Variants in STK36 observed in about 807,000 individuals in gnomAD.
STK36 encodes serine/threonine-protein kinase 36.
STK36 carries 116 observed loss-of-function variants against 142.2 expected under a neutral mutation model. The observed-to-expected ratio is 0.82, with a 90% CI of 0.70 to 0.95. The LOEUF (loss-of-function observed/expected upper bound fraction) is 0.95, where lower values mean the gene tolerates loss of function less well. Among genes scored for constraint, STK36 ranks in the 40% least tolerant of loss-of-function variants. STK36 has a pLI of 0.00. For missense variants in STK36, 1,422 were observed against 1,617.2 expected (o/e 0.88, Z 2.07); for synonymous variants, 619 against 641.7 (o/e 0.96, Z 0.53).
rs775022035 is a variant in STK36, at chr2:218,698,766, G to A, written c.3222G>A (p.Gln1074=). The stretch of plus-strand genomic sequence containing the variant: ...TCTCAGTTGCCCTCCTGAGTGACCA[G>A]CCACTGTTGACCTCCGACCTTCTCT... ...SFLSVALLSD[Q]PLLTSDLLSL... is the part of the protein sequence containing the mutation. The change falls in exon 26 of 27, where the codon CAG becomes CAA. Residue 1074 remains glutamine, a synonymous_variant. Transcript: ENST00000295709. The A allele has an allele frequency of 6.2e-7, 1 of 1,614,152 alleles. No homozygotes were observed. Among genetic ancestry groups the A allele is most frequent in the Non-Finnish European group, 8.5e-7 (1 of 1,180,030 alleles).
intron 24 of STK36, 101 bp downstream of exon 24, chr2:218,697,711 A>G: frequency 6.3e-7 from 1 of 1,589,732 alleles, no homozygotes; most frequent in South Asian, 1.1e-5. Flanking sequence ...AAAGCAAGAA[A>G]GATGAGATCA....
Position 218,679,984 on chromosome 2 carries a change from C to G in STK36, c.1040C>G (p.Thr347Ser). The G allele has an allele frequency of 6.2e-7, 1 of 1,614,186 alleles. No individual in the cohort carries two copies. Among genetic ancestry groups the G allele is most frequent in the Non-Finnish European group, 8.5e-7 (1 of 1,180,022 alleles). ...GTAPLPRLGA[T>S]PQESSLLAGI... The stretch of plus-strand genomic sequence containing the variant: ...GCCCCTCTGCCCAGACTCGGGGCCA[C>G]TCCTCAGGAATCAAGCCTCCTGGCC... Residue 347 changes from threonine to serine, a missense_variant, in exon 9 of 27, where the codon ACT becomes AGT. Thr to Ser is a moderately conservative substitution (Grantham distance 58). Around this residue, in one of 2 missense-constraint regions of STK36, gnomAD observed 460 missense variants for 449.6 expected, o/e 1.02. Coordinates refer to ENST00000295709, the MANE Select transcript of STK36 (RefSeq NM_015690.5).
At chr2:218,692,419 C>T in intron 15 of STK36, 126 bp downstream of exon 15, 1 of 1,489,926 alleles carries the variant, frequency 6.7e-7, no homozygotes, top group Non-Finnish European at 9.0e-7. Flanking sequence ...TAACTGTGAA[C>T]TGAGAGAATG....
chr2:218,694,413 T>C lies in STK36; in HGVS notation c.2400+86T>C. ...TGGGGGAGTCACTATCCAATTTGCATCTGTTTCTGGAGGCATTCTTTTGGA... is the reference window on the plus strand; with the variant it reads ...TGGGGGAGTCACTATCCAATTTGCACCTGTTTCTGGAGGCATTCTTTTGGA... On this transcript the variant is annotated intron_variant, in intron 20 of 26. Coordinates refer to ENST00000295709, the MANE Select transcript of STK36 (RefSeq NM_015690.5). This position sits in a 1 kb window ranked among gnomAD's most constrained non-coding sequence, Gnocchi z 4.4. The C allele has an allele frequency of 6.6e-7, 1 of 1,517,304 alleles. No homozygotes were observed. Among genetic ancestry groups the C allele is most frequent in the South Asian group, 1.1e-5 (1 of 88,998 alleles). 94.0% of individuals were successfully genotyped at this position (1,517,304 alleles called of 1,614,324 possible).
Position 218,697,209 on chromosome 2 carries a change from C to G in STK36, c.2757C>G (p.Pro919=), listed in dbSNP as rs542960744. The change falls in exon 23 of 27, where the codon CCC becomes CCG. Residue 919 remains proline, a synonymous_variant. Coordinates refer to ENST00000295709, the MANE Select transcript of STK36 (RefSeq NM_015690.5). ...AGCCAGACTGGACACTGATTTCTCC[C>G]CAGGGTATCTTTCTATCAGTATCCT... ...SPEPDWTLIS[P]QGMAALLSLA... 22 of 1,611,494 alleles carry G rather than the reference C, an allele frequency of 1.4e-5. No homozygotes were observed. The Admixed American group carries it at 1.7e-4, about 12-fold the overall frequency.
intron 11 of STK36, among the ~76,000 whole-genome samples, chr2:218,686,632 A>G (rs575541493): frequency 1.2e-4 from 18 of 152,340 alleles, no homozygotes; most frequent in Non-Finnish European, 2.4e-4. Context: ...ATATGGATAT[A>G]TCACATTTTG....
At chr2:218,674,902 C>T (rs573948312) in intron 4 of STK36, among the ~76,000 whole-genome samples, 1 of 152,288 alleles carries the variant, frequency 6.6e-6, no homozygotes, top group Non-Finnish European at 1.5e-5. Flanking sequence ...GCCCGACCAC[C>T]ATATTTGTTT....
At chr2:218,696,438 C>T in intron 21 of STK36, 89 bp from the exon 22 acceptor site, 1 of 1,117,462 alleles carries the variant, frequency 8.9e-7, no homozygotes, top group South Asian at 1.3e-5. Context: ...AAATCTGTTC[C>T]CTCCATGGCA....
chr2:218,693,602 C>G (rs1941099478), intron 17 of STK36, 121 bp from the exon 18 acceptor site: 1 of 985,322 alleles, frequency 1.0e-6, no homozygotes, highest in Non-Finnish European at 1.5e-6. Context: ...GGGGTTCTCT[C>G]ACACTCCCAA....
At chr2:218,685,283 C>G (rs1940728149) in intron 11 of STK36, 55 bp downstream of exon 11, 2 of 1,597,182 alleles carry the variant, frequency 1.3e-6, no homozygotes, top group East Asian at 4.5e-5. Context: ...ACAGATGGAG[C>G]ATTGAAATAC....
Position 218,676,221 on chromosome 2 carries a change from C to T in STK36, c.627C>T (p.Val209=), listed in dbSNP as rs1485445074. The T allele has an allele frequency of 1.2e-6, 2 of 1,614,210 alleles. No individual in the cohort carries two copies. The highest frequency in any genetic ancestry group is 8.5e-7 in the Non-Finnish European group (1 of 1,180,050). Residue 209 remains valine, a synonymous_variant, in exon 6 of 27, where the codon GTC becomes GTT. Coordinates refer to ENST00000295709, the MANE Select transcript of STK36 (RefSeq NM_015690.5). ...PFYATSIFQL[V]SLILKDPVRW... The stretch of plus-strand genomic sequence containing the variant: ...ATGCTACAAGCATCTTTCAGCTGGT[C>T]AGCCTCATTCTCAAGGACCCTGTGC...
At position 218,690,448 on chromosome 2, in the gene STK36, A is replaced by C; in HGVS notation, c.1659-2A>C. 6.2e-7 allele frequency: 1 copy of C among 1,613,764 alleles called. No individual in the cohort carries two copies. The highest frequency in any genetic ancestry group is 8.5e-7 in the Non-Finnish European group (1 of 1,179,732). On this transcript the variant is annotated splice_acceptor_variant, in intron 13 of 26. Transcript: ENST00000295709. LOFTEE classifies it high-confidence loss of function. ...AATCATGGGCTCATTTTCCACCCCC[A>C]GCCTGCAGGTGTTTCAGGAGGCTGC...
At position 218,693,800 on chromosome 2, in the gene STK36, G is replaced by T. The variant is rs750483839; in HGVS notation, c.2226G>T (p.Leu742=). The T allele has an allele frequency of 6.2e-7, 1 of 1,614,020 alleles. No individual in the cohort carries two copies. Among genetic ancestry groups the T allele is most frequent in the South Asian group, 1.1e-5 (1 of 91,084 alleles). Residue 742 remains leucine (L), a synonymous_variant, in exon 18 of 27, where the codon CTG becomes CTT. Transcript: ENST00000295709. ...LGQEPLALES[L]FMLIQGKVKV... ...AGGAGCCCCTGGCCTTGGAATCCCT[G>T]TTTATGTTGATTCAGGGCAAGGTAA...
chr2:218,687,587 C>T (rs1252420335), intron 11 of STK36, among the ~76,000 whole-genome samples: 2 of 152,170 alleles, frequency 1.3e-5, no homozygotes, highest in African/African-American at 2.4e-5. Context: ...TGTTGGATAA[C>T]TTGCAGTGTG....
intron 10 of STK36, 84 bp from the exon 11 acceptor site, chr2:218,685,001 A>G (rs1003424225): frequency 1.9e-6 from 3 of 1,556,524 alleles, no homozygotes; most frequent in Non-Finnish European, 2.6e-6. Flanking sequence ...TTACTTCATG[A>G]TTCCCCATGG....
At chr2:218,695,875 T>G (rs1343417864) in intron 21 of STK36, among the ~76,000 whole-genome samples, 2 of 144,070 alleles carry the variant, frequency 1.4e-5, no homozygotes, top group Admixed American at 6.9e-5. Flanking sequence ...TTTTTTTTTT[T>G]TTTTTTTGAG....
At chr2:218,679,364 C>T (rs750615399) in intron 7 of STK36, 103 bp downstream of exon 7, 79 of 1,332,424 alleles carry the variant, frequency 5.9e-5, no homozygotes, top group Non-Finnish European at 8.1e-5. Context: ...GTCGTCTTTC[C>T]TCCAGCAGCT....
intron 11 of STK36, among the ~76,000 whole-genome samples, chr2:218,686,247 A>T (rs1940773612): frequency 6.6e-6 from 1 of 150,782 alleles, no homozygotes; most frequent in South Asian, 2.1e-4. Flanking sequence ...CCTTTTTAAA[A>T]TTTATTTATT....
intron 14 of STK36, 44 bp downstream of exon 14, chr2:218,690,599 T>A: frequency 2.1e-6 from 3 of 1,440,110 alleles, no homozygotes; most frequent in Non-Finnish European, 2.9e-6. Context: ...CCTATCATTC[T>A]CCGTGTTTCT....
Sources: allele counts gnomAD v4.1 joint callset (sites outside exome capture counted in the v4.1 genomes callset), GRCh38; gene constraint gnomAD v4.1.1; regional missense constraint gnomAD v4.1.1; non-coding constraint Gnocchi (gnomAD v3.1); transcripts MANE v1.5; gene names NCBI Gene and HGNC (gene_info 2026-07-23, HGNC 2026-07-21).